ZFP28: variants seen among roughly 807,000 people sequenced by gnomAD.
ZFP28 encodes the protein ZFP28 zinc finger protein, also known as zinc finger protein 28 homolog.
In ZFP28, 31 loss-of-function variants were observed where a neutral mutation model predicts 39.5. That is an observed-to-expected ratio of 0.79 (90% confidence interval 0.59 to 1.06). The LOEUF (loss-of-function observed/expected upper bound fraction) is 1.06, where lower values mean the gene tolerates loss of function less well. Ranked by LOEUF, ZFP28 falls within the 50% of genes least tolerant of loss-of-function variation. The pLI is 0.00. For missense variants in ZFP28, 925 were observed against 1,048.4 expected (o/e 0.88, Z 1.63); for synonymous variants, 400 against 378.6 (o/e 1.06, Z -0.66).
rs145296577 is a variant in ZFP28 at position 56,545,251 on chromosome 19, A to G, written c.301-2257A>G. On this transcript the variant is annotated intron_variant, in intron 2 of 7. Coordinates refer to ENST00000301318, the MANE Select transcript of ZFP28 (RefSeq NM_020828.2). ...CTTCTCCATGATGAGTTTACCATCA[A>G]GAGTGTAGCTCTGCAGTTGACTGAT... Among the ~76,000 whole-genome samples the G allele has an allele frequency of 1.7e-3, 253 of 152,332 alleles. 3 individuals carry two copies. Among genetic ancestry groups the G allele is most frequent in the African/African-American group, 5.9e-3 (247 of 41,576 alleles).
chr19:56,549,198 C>T lies in ZFP28; in HGVS notation c.687+77C>T, dbSNP rs112378737. The T allele has an allele frequency of 3.0e-4, 439 of 1,487,564 alleles. 5 individuals carry two copies. In the African/African-American group the frequency reaches 4.9e-3, roughly 17 times the overall value. The allele number at this position is 1,487,564 out of a possible 1,614,324, so 92.1% of individuals were successfully genotyped here. On this transcript the variant is annotated intron_variant, in intron 5 of 7. Coordinates refer to ENST00000301318, the MANE Select transcript of ZFP28 (RefSeq NM_020828.2). The stretch of plus-strand genomic sequence containing the variant: ...CTCTTCTTGAGGGAAGAGACCATGA[C>T]TACAACAACTATAAGAGAAGTTTTC...
upstream of ZFP28, chr19:56,537,773 C>A (rs149770017): frequency 4.2e-3 from 640 of 152,404 alleles, 1 homozygote; most frequent in Middle Eastern, 6.8e-3. Flanking sequence ...GGAGACCAGG[C>A]GTGCAGTGTG....
In ZFP28 at chr19:56,547,453, A is replaced by T; in HGVS notation, c.301-55A>T. On this transcript the variant is annotated intron_variant, in intron 2 of 7. Coordinates refer to ENST00000301318, the MANE Select transcript of ZFP28 (RefSeq NM_020828.2). The surrounding 1 kb of genome is among the most constrained non-coding windows in gnomAD (Gnocchi z 4.6). ...ACATTTCTTTCTATAACAAACCCCC[A>T]GTCATGTGGGGGCATGAGCACTGGT... The T allele has an allele frequency of 1.9e-6, 3 of 1,613,166 alleles. No homozygotes were observed. The highest frequency in any genetic ancestry group is 2.2e-5 in the East Asian group (1 of 44,860).
At chr19:56,544,347 G>A (rs1398920813) in intron 2 of ZFP28, among the ~76,000 whole-genome samples, 1 of 152,110 alleles carries the variant, frequency 6.6e-6, no homozygotes, top group Non-Finnish European at 1.5e-5. Flanking sequence ...AAAAGAAGAA[G>A]AATACATGAA....
intron 6 of ZFP28, 149 bp from the exon 7 acceptor site, chr19:56,550,361 G>T (rs2147959752): frequency 1.1e-6 from 1 of 880,422 alleles, no homozygotes. Flanking sequence ...TGTTAGGCTT[G>T]AAGCGTTATC....
chr19:56,547,469 G>A lies in ZFP28; in HGVS notation c.301-39G>A. The A allele has an allele frequency of 6.2e-7, 1 of 1,614,028 alleles. No homozygotes were observed. Among genetic ancestry groups the A allele is most frequent in the Non-Finnish European group, 8.5e-7 (1 of 1,179,968 alleles). ...CAAACCCCCAGTCATGTGGGGGCAT[G>A]AGCACTGGTTGAGCAAGAACATGGT... On this transcript the variant is annotated intron_variant, in intron 2 of 7. Coordinates refer to ENST00000301318, the MANE Select transcript of ZFP28 (RefSeq NM_020828.2). The surrounding 1 kb of genome is among the most constrained non-coding windows in gnomAD (Gnocchi z 4.6).
intron 2 of ZFP28, among the ~76,000 whole-genome samples, chr19:56,541,877 ATTTTTTTTTTTTTTTTTTTT>A (rs11297964): frequency 1.6e-5 from 1 of 61,348 alleles, no homozygotes; most frequent in South Asian, 7.6e-4. Context: ...CACCTGGCTA[ATTTTTTTTTTTTTTTTTTTT>A]TTTTTTTTTT....
chr19:56,555,266 C>T lies in ZFP28; in HGVS notation c.2481C>T (p.His827=). The T allele has an allele frequency of 1.2e-6, 2 of 1,614,198 alleles. No individual in the cohort carries two copies. The highest frequency in any genetic ancestry group is 1.7e-6 in the Non-Finnish European group (2 of 1,180,038). ...KSRKVFRQTA[H]LAHHQRIHTG... ...GAAAAGTCTTCAGGCAAACTGCTCA[C>T]TTAGCTCATCATCAGCGAATTCATA... The change falls in exon 8 of 8, where the codon CAC becomes CAT. Residue 827 remains histidine, a synonymous_variant. Coordinates refer to ENST00000301318, the MANE Select transcript of ZFP28 (RefSeq NM_020828.2).
chr19:56,543,262 CTTTTA>C (rs934683715), intron 2 of ZFP28, among the ~76,000 whole-genome samples: 5 of 148,328 alleles, frequency 3.4e-5, no homozygotes, highest in African/African-American at 1.2e-4. Context: ...TATAAAGTTG[CTTTTA>C]TTTTTTGTTG....
chr19:56,539,474 A>G (rs1259399422), intron 1 of ZFP28, 151 bp from the exon 2 acceptor site: 4 of 749,290 alleles, frequency 5.3e-6, no homozygotes, highest in African/African-American at 1.8e-5. Flanking sequence ...TCGTGCTCCC[A>G]GGGAGGAAAA....
intron 6 of ZFP28, 69 bp downstream of exon 6, chr19:56,550,250 A>T: frequency 7.0e-7 from 1 of 1,429,798 alleles, no homozygotes; most frequent in Non-Finnish European, 9.6e-7. Context: ...TCAGTTTTGA[A>T]TTATGGAGGA....
Position 56,554,758 on chromosome 19 carries a change from C to A in ZFP28, c.1973C>A (p.Ala658Asp). Residue 658 changes from alanine to aspartate, a missense_variant, in exon 8 of 8, where the codon GCT becomes GAT. Ala to Asp is a moderately radical substitution (Grantham distance 126). This residue lies in a region of ZFP28 where 369 missense variants were observed against 505.5 expected (regional missense o/e 0.73). Transcript: ENST00000301318. The surrounding 1 kb of genome is among the most constrained non-coding windows in gnomAD (Gnocchi z 6.7). ...TGTAGTAAAGCGTTCACCCAGAAGG[C>A]TCACCTTGCACAGCATCAGAAAACC... is the stretch of plus-strand genomic sequence containing the variant. Reference protein sequence around the residue: ...KVCSKAFTQKAHLAQHQKTHT... With the variant: ...KVCSKAFTQKDHLAQHQKTHT... 6.2e-7 allele frequency: 1 copy of A among 1,614,162 alleles called. No homozygotes were observed. Among genetic ancestry groups the A allele is most frequent in the Non-Finnish European group, 8.5e-7 (1 of 1,180,026 alleles).
At position 56,549,176 on chromosome 19, in the gene ZFP28, T is replaced by C. The variant is rs567361447; in HGVS notation, c.687+55T>C. ...GGAAGGATCCTTCATGAGGAAACTC[T>C]TCTTGAGGGAAGAGACCATGACTAC... On this transcript the variant is annotated intron_variant, in intron 5 of 7. Coordinates refer to ENST00000301318, the MANE Select transcript of ZFP28 (RefSeq NM_020828.2). 84 of 1,552,710 alleles carry C rather than the reference T, an allele frequency of 5.4e-5. No homozygotes were observed. The African/African-American group carries it at 1.1e-3, about 20-fold the overall frequency.
intron 1 of ZFP28, 37 bp from the exon 2 acceptor site, chr19:56,539,588 T>G (rs1285205483): frequency 3.2e-6 from 5 of 1,566,206 alleles, no homozygotes; most frequent in Non-Finnish European, 3.5e-6. Flanking sequence ...GGGACTGTGG[T>G]GTAGACCTGG....
chr19:56,550,650 A>C, intron 7 of ZFP28, 45 bp downstream of exon 7: 1 of 1,611,126 alleles, frequency 6.2e-7, no homozygotes, highest in South Asian at 1.1e-5. Flanking sequence ...TGCAAGAGAG[A>C]GCGGAGCTTT....
intron 2 of ZFP28, 68 bp downstream of exon 2, chr19:56,539,784 T>C: frequency 1.4e-6 from 2 of 1,465,740 alleles, no homozygotes; most frequent in Non-Finnish European, 1.9e-6. Flanking sequence ...TGTTGCTTAT[T>C]TTCTTGAAAG....
rs368217698 is a variant in ZFP28, at chr19:56,550,202, T to A, written c.802+21T>A. ...AGCAGGTAAGGATGTCCCTCTCCCA[T>A]ATTTGAATCTATCGTCGGGTACCTC... is the stretch of plus-strand genomic sequence containing the variant. On this transcript the variant is annotated intron_variant, in intron 6 of 7. Transcript: ENST00000301318. The A allele has an allele frequency of 3.2e-6, 5 of 1,584,602 alleles. No individual in the cohort carries two copies. In the African/African-American group the frequency reaches 6.7e-5, roughly 21 times the overall value.
At chr19:56,550,705 AC>A (rs1453598506) in intron 7 of ZFP28, 100 bp downstream of exon 7, 23 of 1,586,292 alleles carry the variant, frequency 1.4e-5, no homozygotes, top group Non-Finnish European at 1.6e-5. Flanking sequence ...AGGAAACTTT[AC>A]CCAGGGTCTC....
rs1197577769 is a variant in ZFP28, at chr19:56,547,474, C to T, written c.301-34C>T. The T allele has an allele frequency of 6.2e-7, 1 of 1,613,942 alleles. No homozygotes were observed. On this transcript the variant is annotated intron_variant, in intron 2 of 7. Coordinates refer to ENST00000301318, the MANE Select transcript of ZFP28 (RefSeq NM_020828.2). This position sits in a 1 kb window ranked among gnomAD's most constrained non-coding sequence, Gnocchi z 4.6. The stretch of plus-strand genomic sequence containing the variant: ...CCCCAGTCATGTGGGGGCATGAGCA[C>T]TGGTTGAGCAAGAACATGGTTATAT...
Sources: allele counts gnomAD v4.1 joint callset (sites outside exome capture counted in the v4.1 genomes callset), GRCh38; gene constraint gnomAD v4.1.1; regional missense constraint gnomAD v4.1.1; non-coding constraint Gnocchi (gnomAD v3.1); transcripts MANE v1.5; gene names NCBI Gene and HGNC (gene_info 2026-07-23, HGNC 2026-07-21).